The following SPTBN2 variants were observed in gnomAD, a reference collection of about 807,000 sequenced individuals.
SPTBN2 encodes spectrin beta, non-erythrocytic 2, also known as spectrin beta chain, non-erythrocytic 2.
A neutral mutation model predicts 284.2 loss-of-function variants in SPTBN2; 107 were observed. The ratio of observed to expected loss-of-function variants is 0.38; its 90% CI spans 0.32 to 0.44. The LOEUF (loss-of-function observed/expected upper bound fraction) is 0.44, where lower values mean the gene tolerates loss of function less well. Among genes scored for constraint, SPTBN2 ranks in the 20% least tolerant of loss-of-function variants. The pLI is 1.00. For synonymous variants in SPTBN2, 1,289 were observed against 1,354.8 expected, an observed-to-expected ratio of 0.95 and a Z score of 1.07; for missense variants, 2,569 against 3,287.1, an observed-to-expected ratio of 0.78 and a Z score of 5.34.
Position 66,687,800 on chromosome 11 carries a change from C to T in SPTBN2, c.6501+68G>A, listed in dbSNP as rs113700455. The T allele has an allele frequency of 1.6e-5, 25 of 1,606,062 alleles. No individual in the cohort carries two copies. Among genetic ancestry groups the T allele is most frequent in the Middle Eastern group, 1.7e-4 (1 of 6,032 alleles). On this transcript the variant is annotated intron_variant, in intron 34 of 37. Coordinates refer to ENST00000533211, the MANE Select transcript of SPTBN2 (RefSeq NM_006946.4). This position sits in a 1 kb window ranked among gnomAD's most constrained non-coding sequence, Gnocchi z 5.2. ...ATCCCATCCCCAGTACTCCCCCACC[C>T]GCACTCACCACCCCCTCTGGACCCT...
chr11:66,709,295 A>G (rs1941731161), intron 10 of SPTBN2, among the ~76,000 whole-genome samples: 3 of 152,136 alleles, frequency 2.0e-5, no homozygotes, highest in South Asian at 4.1e-4. Flanking sequence ...CTCTTGCCTC[A>G]GCCTCCCGAG....
rs781108283 is a variant in SPTBN2 at position 66,701,268 on chromosome 11, C to T, written c.2831G>A (p.Arg944Gln). The T allele has an allele frequency of 5.8e-5, 93 of 1,612,370 alleles. 1 individual carries two copies. Among genetic ancestry groups the T allele is most frequent in the South Asian group, 3.6e-4 (33 of 91,080 alleles). The stretch of plus-strand genomic sequence containing the variant: ...TGCCTTCTTGCCGTCTGCCAGACGC[C>T]GAAACTGCTGCCACCTGAGAGCAGG... The part of the protein sequence containing the change: ...EQLNHRWQQF[R>Q]RLADGKKAAL... Residue 944 changes from arginine (R) to glutamine (Q), a missense_variant, in exon 17 of 38, where the codon CGG (arginine) becomes CAG (glutamine). This residue lies in a region of SPTBN2 where 1,012 missense variants were observed against 1,248.9 expected (regional missense o/e 0.81). Transcript: ENST00000533211.
chr11:66,693,832 G>T lies in SPTBN2; in HGVS notation c.4533C>A (p.Ala1511=). Residue 1511 remains alanine, a synonymous_variant, in exon 23 of 38, where the codon GCC becomes GCA. Coordinates refer to ENST00000533211, the MANE Select transcript of SPTBN2 (RefSeq NM_006946.4). The surrounding 1 kb of genome is among the most constrained non-coding windows in gnomAD (Gnocchi z 5.7). Reference sequence around the variant, plus strand: ...GGTCCTTGCCATGCTCCATGGAGCTGGCCATGGGCAGCCGCTCTGTCACCC... The same window carrying T: ...GGTCCTTGCCATGCTCCATGGAGCTTGCCATGGGCAGCCGCTCTGTCACCC... ...ILWVTERLPM[A]SSMEHGKDLP... The T allele has an allele frequency of 6.2e-7, 1 of 1,613,866 alleles. No homozygotes were observed. The highest frequency in any genetic ancestry group is 8.5e-7 in the Non-Finnish European group (1 of 1,179,940).
At chr11:66,689,331 G>A (rs1940376956) in intron 29 of SPTBN2, 151 bp from the exon 30 acceptor site, 1 of 822,620 alleles carries the variant, frequency 1.2e-6, no homozygotes, top group South Asian at 1.7e-5. Flanking sequence ...CTGGAATGCA[G>A]TGGCGCAATC....
chr11:66,686,223 G>A, intron 37 of SPTBN2, 119 bp from the exon 38 acceptor site: 2 of 1,384,866 alleles, frequency 1.4e-6, no homozygotes, highest in Admixed American at 1.7e-5. Flanking sequence ...CATGCTATTA[G>A]GAGAATGTGG....
At position 66,700,413 on chromosome 11, in the gene SPTBN2, C is replaced by T. The variant is rs1299044695; in HGVS notation, c.3573+113G>A. 5.6e-5 allele frequency: 83 copies of T among 1,472,040 alleles called. 1 individual carries two copies. The highest frequency in any genetic ancestry group is 7.4e-5 in the Non-Finnish European group (79 of 1,074,638). 91.2% of individuals were successfully genotyped at this position (1,472,040 alleles called of 1,614,324 possible). A position where few individuals can be genotyped will look rare whatever the true frequency, so the allele number is the denominator to read the frequency against. On this transcript the variant is annotated intron_variant, in intron 17 of 37. Transcript: ENST00000533211. The surrounding 1 kb of genome is among the most constrained non-coding windows in gnomAD (Gnocchi z 6.6). ...GTGCTGGAATTTCAGGTGTGAACCA[C>T]TGCGCTGCCCCATTTTGCTAGCATG... is the stretch of plus-strand genomic sequence containing the variant.
In SPTBN2 at chr11:66,687,550, G is replaced by A; in HGVS notation, c.6599C>T (p.Thr2200Ile). ...CAGGGTGGCAGCATGGGCTGACTCG[G>A]TAGACCTGCTCTGGGGCATTGCAGA... ...APSAMPQSRS[T>I]ESAHAATLPP... The change falls in exon 35 of 38, where the codon ACC (threonine) becomes ATC (isoleucine). Residue 2200 changes from threonine to isoleucine, a missense_variant. Coordinates refer to ENST00000533211, the MANE Select transcript of SPTBN2 (RefSeq NM_006946.4). The surrounding 1 kb of genome is among the most constrained non-coding windows in gnomAD (Gnocchi z 5.2). 6.2e-7 allele frequency: 1 copy of A among 1,612,240 alleles called. No homozygotes were observed. The highest frequency in any genetic ancestry group is 8.5e-7 in the Non-Finnish European group (1 of 1,180,006).
intron 21 of SPTBN2, among the ~76,000 whole-genome samples, chr11:66,695,366 T>A (rs1590926524): frequency 6.6e-6 from 1 of 152,152 alleles, no homozygotes; most frequent in African/African-American, 2.4e-5. Flanking sequence ...AACAATCTTC[T>A]CACCTCAGCC....
chr11:66,717,006 G>T lies in SPTBN2; in HGVS notation c.158-1025C>A, dbSNP rs552616380. Among the ~76,000 whole-genome samples the T allele has an allele frequency of 7.9e-5, 12 of 152,266 alleles. No homozygotes were observed. In the South Asian group the frequency reaches 2.3e-3, roughly 29 times the overall value. ...GGCTCCTCTGCTTCTGGGGGTTGGG[G>T]ACAGTACATTCAGCTGGCTGCAAGG... On this transcript the variant is annotated intron_variant, in intron 3 of 37. Coordinates refer to ENST00000533211, the MANE Select transcript of SPTBN2 (RefSeq NM_006946.4).
chr11:66,720,932 G>T, intron 3 of SPTBN2, 152 bp downstream of exon 3: 1 of 1,052,856 alleles, frequency 9.5e-7, no homozygotes, highest in Non-Finnish European at 1.4e-6. Context: ...TATTCTTGAG[G>T]CTGGATGTGG....
At chr11:66,734,721 A>G (rs1411310295) in intron 1 of SPTBN2, among the ~76,000 whole-genome samples, 1 of 152,210 alleles carries the variant, frequency 6.6e-6, no homozygotes, top group African/African-American at 2.4e-5. Flanking sequence ...AGAGAACACA[A>G]TTATTTCACA....
At chr11:66,696,239 C>T (rs201551150) in intron 21 of SPTBN2, 38 bp downstream of exon 21, 161 of 1,604,722 alleles carry the variant, frequency 1.0e-4, no homozygotes, top group Non-Finnish European at 1.3e-4. Flanking sequence ...CCCCTTTCTT[C>T]TGCTGTTCAC....
chr11:66,733,806 G>A (rs1490173361), upstream of SPTBN2, among the ~76,000 whole-genome samples: 2 of 151,938 alleles, frequency 1.3e-5, no homozygotes, highest in Non-Finnish European at 2.9e-5. Context: ...GTGAAACCCC[G>A]TCTCTACTAA....
intron 8 of SPTBN2, 129 bp downstream of exon 8, chr11:66,713,502 C>T: frequency 1.3e-6 from 1 of 776,548 alleles, no homozygotes; most frequent in South Asian, 1.3e-5. Flanking sequence ...CATTCTCTTC[C>T]CCCACCAAAG....
intron 1 of SPTBN2, chr11:66,728,044 AC>A: frequency 7.5e-6 from 1 of 133,780 alleles, no homozygotes; most frequent in Non-Finnish European, 1.6e-5. Context: ...GCCCCGGCTC[AC>A]CCCGGCCGCC....
At chr11:66,720,238 G>A (rs886632758) in intron 3 of SPTBN2, among the ~76,000 whole-genome samples, 8 of 152,094 alleles carry the variant, frequency 5.3e-5, no homozygotes, top group African/African-American at 9.7e-5. Context: ...CTCGGTGAGA[G>A]TAGCTGGGAC....
Position 66,693,808 on chromosome 11 carries a change from G to C in SPTBN2, c.4557C>G (p.Asp1519Glu). 1 of 1,613,906 alleles carries C rather than the reference G, an allele frequency of 6.2e-7. No individual in the cohort carries two copies. The highest frequency in any genetic ancestry group is 1.1e-5 in the South Asian group (1 of 90,998). Residue 1519 changes from aspartate to glutamate, a missense_variant, in exon 23 of 38, where the codon GAC (aspartate) becomes GAG (glutamate). Asp to Glu is a conservative substitution (Grantham distance 45, BLOSUM62 2). Transcript: ENST00000533211. This position sits in a 1 kb window ranked among gnomAD's most constrained non-coding sequence, Gnocchi z 5.7. The part of the protein sequence containing the change: ...PMASSMEHGK[D>E]LPSVQLLMKK... Reference sequence around the variant, plus strand: ...TCATGAGAAGCTGGACGCTGGGCAGGTCCTTGCCATGCTCCATGGAGCTGG... The same window carrying C: ...TCATGAGAAGCTGGACGCTGGGCAGCTCCTTGCCATGCTCCATGGAGCTGG...
Position 66,688,636 on chromosome 11 carries a change from G to T in SPTBN2, c.6231+17C>A. The T allele has an allele frequency of 2.5e-6, 4 of 1,613,586 alleles. No homozygotes were observed. Among genetic ancestry groups the T allele is most frequent in the Non-Finnish European group, 3.4e-6 (4 of 1,179,968 alleles). ...GGAGCAGGTTGGAGTGGGCATCCGGGGTCCTGTGTCCCTCACCGCAGTAAG... is the reference window on the plus strand; with the variant it reads ...GGAGCAGGTTGGAGTGGGCATCCGGTGTCCTGTGTCCCTCACCGCAGTAAG... On this transcript the variant is annotated intron_variant, in intron 31 of 37. Coordinates refer to ENST00000533211, the MANE Select transcript of SPTBN2 (RefSeq NM_006946.4).
intron 17 of SPTBN2, 124 bp from the exon 18 acceptor site, chr11:66,699,732 G>T: frequency 1.0e-6 from 1 of 981,714 alleles, no homozygotes; most frequent in Non-Finnish European, 1.6e-6. Context: ...GTAGCCCAGA[G>T]AGCTCTGAAG....
Sources: gnomAD v4.1 joint callset for allele counts (sites outside exome capture counted in the v4.1 genomes callset) on GRCh38, gnomAD v4.1.1 for gene constraint, gnomAD v4.1.1 regional missense constraint, Gnocchi (gnomAD v3.1) non-coding constraint, MANE v1.5 for transcripts, NCBI Gene and HGNC (gene_info 2026-07-23, HGNC 2026-07-21) for gene names.